Variants in GLI2 observed in about 807,000 individuals in gnomAD.
GLI2 encodes GLI family zinc finger 2, also known as transcription activator GLI2.
In GLI2, 22 loss-of-function variants were observed where a neutral mutation model predicts 78.9. The observed-to-expected ratio is 0.28, with a 90% CI of 0.20 to 0.40. The LOEUF (loss-of-function observed/expected upper bound fraction) is 0.40. Among genes scored for constraint, GLI2 ranks in the 10% least tolerant of loss-of-function variants. GLI2 has a pLI of 1.00. For missense variants in GLI2, 2,097 were observed against 2,213.2 expected (o/e 0.95, Z 1.05); for synonymous variants, 974 against 963.7 (o/e 1.01, Z -0.20).
chr2:120,906,726 C>T (rs960053277), intron 2 of GLI2, among the ~76,000 whole-genome samples: 2 of 152,152 alleles, frequency 1.3e-5, no homozygotes, highest in African/African-American at 4.8e-5. Context: ...GCCCTCAAAA[C>T]AGGCCTTCTC....
At chr2:120,877,178 T>C (rs1408348513) in intron 2 of GLI2, among the ~76,000 whole-genome samples, 1 of 152,198 alleles carries the variant, frequency 6.6e-6, no homozygotes, top group Non-Finnish European at 1.5e-5. Context: ...CCCTGAGCAC[T>C]GTCCCTGGAG....
At chr2:120,962,263 A>G (rs769273605) in intron 5 of GLI2, among the ~76,000 whole-genome samples, 1 of 152,152 alleles carries the variant, frequency 6.6e-6, no homozygotes, top group Non-Finnish European at 1.5e-5. Flanking sequence ...AGGGAAAACA[A>G]TGATCTCCCT....
chr2:120,961,257 G>A (rs912943098), intron 5 of GLI2, among the ~76,000 whole-genome samples: 3 of 152,176 alleles, frequency 2.0e-5, no homozygotes, highest in African/African-American at 4.8e-5. Flanking sequence ...TATGCTGCCT[G>A]TGGATCCGGG....
chr2:120,823,047 C>A (rs78473375), intron 2 of GLI2, among the ~76,000 whole-genome samples: 1 of 140,930 alleles, frequency 7.1e-6, no homozygotes, highest in East Asian at 2.1e-4. Flanking sequence ...GGATGAAGGA[C>A]ATCCCAACAG....
In GLI2 at chr2:120,800,984, C is replaced by G. The variant is rs1337894325; in HGVS notation, c.148+3516C>G. Among the ~76,000 whole-genome samples, 4 of 152,144 alleles carry G rather than the reference C, an allele frequency of 2.6e-5. No homozygotes were observed. Among genetic ancestry groups the G allele is most frequent in the African/African-American group, 9.7e-5 (4 of 41,450 alleles). On this transcript the variant is annotated intron_variant, in intron 2 of 13. Coordinates refer to ENST00000361492, the MANE Select transcript of GLI2 (RefSeq NM_001374353.1). The surrounding 1 kb of genome is among the most constrained non-coding windows in gnomAD (Gnocchi z 4.1). ...GTAAGGTATCCAGATGTGGGGGCAC[C>G]CTGCATTCCCCGGCAGCTCATGGCC...
chr2:120,990,331 C>A lies in GLI2; in HGVS notation c.4366C>A (p.Pro1456Thr). ...GAGCTGCCAGGTCATGCGGTCCCAGCCACCACAGCCACAGGCCTGTCAGGA... is the reference window on the plus strand; with the variant it reads ...GAGCTGCCAGGTCATGCGGTCCCAGACACCACAGCCACAGGCCTGTCAGGA... ...LGSCQVMRSQ[P>T]PQPQACQDSI... is the part of the protein sequence containing the mutation. The change falls in exon 14 of 14, where the codon CCA (proline) becomes ACA (threonine). Residue 1456 changes from proline (P) to threonine (T), a missense_variant. Transcript: ENST00000361492. 1 of 1,613,850 alleles carries A rather than the reference C, an allele frequency of 6.2e-7. No homozygotes were observed. Among genetic ancestry groups the A allele is most frequent in the Non-Finnish European group, 8.5e-7 (1 of 1,180,014 alleles).
chr2:120,831,160 C>T (rs1480299782), intron 2 of GLI2, among the ~76,000 whole-genome samples: 1 of 152,036 alleles, frequency 6.6e-6, no homozygotes, highest in Non-Finnish European at 1.5e-5. Flanking sequence ...TGTTCCCTTT[C>T]CTTGTCTGTC....
chr2:120,920,174 A>G (rs1679299260), intron 2 of GLI2, among the ~76,000 whole-genome samples: 1 of 152,242 alleles, frequency 6.6e-6, no homozygotes, highest in Admixed American at 6.5e-5. Flanking sequence ...GGGCTGGGGC[A>G]TCCCCAACAC....
intron 2 of GLI2, among the ~76,000 whole-genome samples, chr2:120,911,289 A>G (rs542258876): frequency 6.6e-6 from 1 of 152,362 alleles, no homozygotes; most frequent in African/African-American, 2.4e-5. Context: ...CCTCATCTCT[A>G]AAGTGGAGAT....
chr2:120,899,057 C>T (rs1003345366), intron 2 of GLI2, among the ~76,000 whole-genome samples: 3 of 152,156 alleles, frequency 2.0e-5, no homozygotes, highest in African/African-American at 7.2e-5. Flanking sequence ...CACGCATTTA[C>T]GCCTCTCTCC....
At chr2:120,984,440 A>G (rs769186074) in intron 11 of GLI2, 31 bp from the exon 12 acceptor site, 6 of 1,612,628 alleles carry the variant, frequency 3.7e-6, no homozygotes, top group South Asian at 3.3e-5. Flanking sequence ...TCGTACCCCT[A>G]TCCATGACAC....
At chr2:120,797,208 C>A (rs1041080468) in intron 1 of GLI2, 83 bp from the exon 2 acceptor site, 2 of 992,558 alleles carry the variant, frequency 2.0e-6, no homozygotes, top group African/African-American at 3.2e-5. Context: ...GCTTTAGGAG[C>A]GAGCGGCGGT....
rs1008098792 is a variant in GLI2 at position 120,800,888 on chromosome 2, G to C, written c.148+3420G>C. Among the ~76,000 whole-genome samples the C allele has an allele frequency of 6.6e-6, 1 of 152,280 alleles. No homozygotes were observed. The highest frequency in any genetic ancestry group is 6.5e-5 in the Admixed American group (1 of 15,280). On this transcript the variant is annotated intron_variant, in intron 2 of 13. Transcript: ENST00000361492. The surrounding 1 kb of genome is among the most constrained non-coding windows in gnomAD (Gnocchi z 4.1). ...TGTGGGGTGGGTGGGTCTTATCTGA[G>C]GATGTCAGGGGCGCAGTGGTGAGGA...
chr2:120,894,626 GAT>G (rs1422999911), intron 2 of GLI2, among the ~76,000 whole-genome samples: 1 of 151,726 alleles, frequency 6.6e-6, no homozygotes, highest in Non-Finnish European at 1.5e-5. Context: ...GGGTACCAGT[GAT>G]TTCAAACCGC....
At chr2:120,813,101 G>A (rs1173374024) in intron 2 of GLI2, among the ~76,000 whole-genome samples, 3 of 152,356 alleles carry the variant, frequency 2.0e-5, no homozygotes, top group African/African-American at 4.8e-5. Flanking sequence ...AAGTGTTGGC[G>A]CTCCTGGCCA....
intron 2 of GLI2, among the ~76,000 whole-genome samples, chr2:120,853,364 G>A (rs1007305495): frequency 6.6e-6 from 1 of 152,194 alleles, no homozygotes; most frequent in Non-Finnish European, 1.5e-5. Flanking sequence ...CTGGGCCTGG[G>A]GAGAGAGGAG....
chr2:120,768,685 C>A (rs1286432424), intron 1 of GLI2, among the ~76,000 whole-genome samples: 1 of 152,194 alleles, frequency 6.6e-6, no homozygotes, highest in Non-Finnish European at 1.5e-5. Context: ...GACAGCCCCT[C>A]TTCCCCTGCC....
chr2:120,986,700 C>T (rs1682998228), intron 13 of GLI2, 86 bp downstream of exon 13: 1 of 1,057,476 alleles, frequency 9.5e-7, no homozygotes. Flanking sequence ...AGCACCAGTG[C>T]TATCTCACCG....
chr2:120,959,777 C>T (rs1423570916), intron 5 of GLI2, among the ~76,000 whole-genome samples: 1 of 152,162 alleles, frequency 6.6e-6, no homozygotes, highest in African/African-American at 2.4e-5. Flanking sequence ...AAGCTCCAGA[C>T]CACACAGCAG....
Sources: allele counts gnomAD v4.1 joint callset (sites outside exome capture counted in the v4.1 genomes callset), GRCh38; gene constraint gnomAD v4.1.1; non-coding constraint Gnocchi (gnomAD v3.1); transcripts MANE v1.5; gene names NCBI Gene and HGNC (gene_info 2026-07-23, HGNC 2026-07-21).